Variants in DYNC2LI1 observed in about 807,000 individuals in gnomAD.
DYNC2LI1 encodes the protein cytoplasmic dynein 2 light intermediate chain 1.
In DYNC2LI1, 45 loss-of-function variants were observed where a neutral mutation model predicts 51.9. That is an observed-to-expected ratio of 0.87 (90% CI 0.68 to 1.11). The LOEUF is 1.11. Ranked by LOEUF, DYNC2LI1 falls within the 50% of genes most tolerant of loss-of-function variation. The pLI is 0.00. For missense variants in DYNC2LI1, 490 were observed against 417.4 expected, an observed-to-expected ratio of 1.17 and a Z score of -1.51; for synonymous variants, 130 against 137.8, an observed-to-expected ratio of 0.94 and a Z score of 0.40.
chr2:43,799,929 C>G (rs1016040830), intron 8 of DYNC2LI1, among the ~76,000 whole-genome samples: 5 of 152,158 alleles, frequency 3.3e-5, no homozygotes, highest in Non-Finnish European at 5.9e-5. Context: ...CATGAGTATT[C>G]TCATTTGAAT....
intron 2 of DYNC2LI1, among the ~76,000 whole-genome samples, chr2:43,779,615 C>T (rs773281079): frequency 1.2e-4 from 18 of 152,150 alleles, no homozygotes; most frequent in Non-Finnish European, 1.9e-4. Context: ...TAACTCACCC[C>T]AGAAAGTTGG....
intron 12 of DYNC2LI1, among the ~76,000 whole-genome samples, chr2:43,808,142 G>A (rs1244636621): frequency 1.3e-5 from 2 of 151,860 alleles, no homozygotes; most frequent in East Asian, 1.9e-4. Context: ...CTTTAAAACC[G>A]CAAGTGGTAG....
intron 8 of DYNC2LI1, among the ~76,000 whole-genome samples, chr2:43,797,989 T>C (rs888428833): frequency 1.3e-5 from 2 of 151,704 alleles, no homozygotes; most frequent in Non-Finnish European, 2.9e-5. Context: ...TAGCTGGCCA[T>C]GGTGGCACAC....
chr2:43,786,364 T>C (rs760964653), intron 3 of DYNC2LI1, among the ~76,000 whole-genome samples: 6 of 151,980 alleles, frequency 3.9e-5, no homozygotes, highest in Non-Finnish European at 8.8e-5. Flanking sequence ...TTTTTTTTTG[T>C]AGAGACAGGG....
intron 3 of DYNC2LI1, among the ~76,000 whole-genome samples, chr2:43,784,658 T>G (rs972122524): frequency 5.3e-5 from 8 of 152,136 alleles, no homozygotes; most frequent in African/African-American, 1.9e-4. Context: ...GGTCTCGAAC[T>G]CACGATGTCA....
chr2:43,803,381 C>G (rs1175357493), intron 10 of DYNC2LI1, among the ~76,000 whole-genome samples: 1 of 152,134 alleles, frequency 6.6e-6, no homozygotes. Context: ...CTGGATGAAT[C>G]TCCAGGGAAT....
chr2:43,814,228 A>T (rs969469289), downstream of DYNC2LI1, among the ~76,000 whole-genome samples: 1 of 152,180 alleles, frequency 6.6e-6, no homozygotes, highest in Non-Finnish European at 1.5e-5. Context: ...CTCAGTGTAC[A>T]TAAGGTCTGT....
chr2:43,786,277 C>G (rs1390757684), intron 3 of DYNC2LI1, among the ~76,000 whole-genome samples: 1 of 152,166 alleles, frequency 6.6e-6, no homozygotes, highest in African/African-American at 2.4e-5. Flanking sequence ...CGGCTTACTG[C>G]AGCCTCAACT....
At chr2:43,820,620 G>C in the DYNC2LI1 span, among the ~76,000 whole-genome samples, 1 of 152,002 alleles carries the variant, frequency 6.6e-6, no homozygotes, top group African/African-American at 2.4e-5. Flanking sequence ...TTCCATTCTT[G>C]TCTTTTATTC....
At chr2:43,813,035 C>T, downstream of DYNC2LI1, 1 of 745,098 alleles carries the variant, frequency 1.3e-6, no homozygotes, top group East Asian at 2.6e-5. Flanking sequence ...GAAAGAAATA[C>T]ATGGCACTCT....
chr2:43,774,215 G>A (rs770892786), intron 1 of DYNC2LI1, 69 bp downstream of exon 1: 27 of 1,597,336 alleles, frequency 1.7e-5, no homozygotes, highest in Non-Finnish European at 2.3e-5. Flanking sequence ...AAGCCCAGGC[G>A]GGACCAGCTG....
downstream of DYNC2LI1, chr2:43,813,443 T>C (rs1666591885): frequency 1.4e-6 from 1 of 715,100 alleles, no homozygotes; most frequent in Non-Finnish European, 2.5e-6. Flanking sequence ...AGTTTACAAT[T>C]TGATGAAGCA....
rs184363007 is a variant in DYNC2LI1, at chr2:43,804,301, A to T, written c.803-341A>T. ...TGATAACAAATTATACTGCAGTGTGAAATCCTTAATACAGTACCAGTTTGC... is the reference window on the plus strand; with the variant it reads ...TGATAACAAATTATACTGCAGTGTGTAATCCTTAATACAGTACCAGTTTGC... On this transcript the variant is annotated intron_variant, in intron 10 of 12. Transcript: ENST00000260605. Among the ~76,000 whole-genome samples the T allele has an allele frequency of 2.6e-5, 4 of 152,194 alleles. No individual in the cohort carries two copies. In the East Asian group the frequency reaches 7.7e-4, roughly 29 times the overall value.
chr2:43,822,592 G>T, the DYNC2LI1 span: 1 of 984,328 alleles, frequency 1.0e-6, no homozygotes, highest in Non-Finnish European at 1.2e-6. Context: ...TTGTTGGTTT[G>T]TTCTCAGGTC....
chr2:43,797,863 C>A (rs1283640730), intron 8 of DYNC2LI1, among the ~76,000 whole-genome samples: 1 of 152,126 alleles, frequency 6.6e-6, no homozygotes, highest in African/African-American at 2.4e-5. Context: ...CAGTGGCTCA[C>A]ACCTGTAGTC....
At chr2:43,800,121 T>G (rs141610613) in intron 8 of DYNC2LI1, among the ~76,000 whole-genome samples, 103 of 152,336 alleles carry the variant, frequency 6.8e-4, no homozygotes, top group African/African-American at 2.4e-3. Flanking sequence ...TGAATGACTT[T>G]TGGTATCTAC....
chr2:43,786,843 A>G (rs1014684458), intron 3 of DYNC2LI1, among the ~76,000 whole-genome samples: 4 of 151,786 alleles, frequency 2.6e-5, no homozygotes, highest in South Asian at 2.1e-4. Flanking sequence ...CAAAAACAAA[A>G]CAAAAAAAAA....
intron 1 of DYNC2LI1, among the ~76,000 whole-genome samples, chr2:43,774,566 G>A (rs1312122050): frequency 6.6e-6 from 1 of 152,174 alleles, no homozygotes; most frequent in African/African-American, 2.4e-5. Context: ...CACTTTTAAG[G>A]GGGGAAACGG....
chr2:43,819,898 G>T, the DYNC2LI1 span: 2 of 1,613,496 alleles, frequency 1.2e-6, no homozygotes, highest in East Asian at 4.5e-5. Flanking sequence ...TAAATTTTTT[G>T]AATTATGATA....
Sources: allele counts gnomAD v4.1 joint callset (sites outside exome capture counted in the v4.1 genomes callset), GRCh38; gene constraint gnomAD v4.1.1; transcripts MANE v1.5; gene names NCBI Gene and HGNC (gene_info 2026-07-23, HGNC 2026-07-21).